The following CCDC85A variants were observed in gnomAD, a reference collection of about 807,000 sequenced individuals.
CCDC85A encodes coiled-coil domain containing 85A.
CCDC85A carries 38 observed loss-of-function variants against 50.2 expected under a neutral mutation model. That is an observed-to-expected ratio of 0.76 (90% CI 0.58 to 0.99). The LOEUF is 0.99. Ranked by LOEUF, CCDC85A falls within the 50% of genes least tolerant of loss-of-function variation. The pLI is 0.00. For missense variants in CCDC85A, 820 were observed against 742.0 expected (o/e 1.11, Z -1.22); for synonymous variants, 366 against 301.4 (o/e 1.21, Z -2.22).
At chr2:56,228,335 T>TAAC (rs1323062368) in intron 2 of CCDC85A, among the ~76,000 whole-genome samples, 2 of 150,796 alleles carry the variant, frequency 1.3e-5, no homozygotes, top group Admixed American at 1.3e-4. Context: ...ATAATAATAA[T>TAAC]AATAATAATA....
At position 56,193,147 on chromosome 2, in the gene CCDC85A, A is replaced by G; in HGVS notation, c.947A>G (p.His316Arg). Residue 316 changes from histidine to arginine, a missense_variant, in exon 2 of 6, where the codon CAC becomes CGC. By Grantham distance (29) the His-to-Arg change is conservative. Transcript: ENST00000407595. Reference protein sequence around the residue: ...PKHVLSGSPEHFQKHRSGSSP... With the variant: ...PKHVLSGSPERFQKHRSGSSP... Reference sequence around the variant, plus strand: ...CACGTGCTGAGTGGGAGCCCGGAACACTTCCAGAAGCACCGGTCAGGGAGC... The same window carrying G: ...CACGTGCTGAGTGGGAGCCCGGAACGCTTCCAGAAGCACCGGTCAGGGAGC... 1 of 1,612,488 alleles carries G rather than the reference A, an allele frequency of 6.2e-7. No individual in the cohort carries two copies. Among genetic ancestry groups the G allele is most frequent in the African/African-American group, 1.3e-5 (1 of 74,938 alleles).
chr2:56,217,751 T>C (rs1482620624), intron 2 of CCDC85A, among the ~76,000 whole-genome samples: 1 of 151,818 alleles, frequency 6.6e-6, no homozygotes, highest in Non-Finnish European at 1.5e-5. Context: ...CTTGATGTAG[T>C]GTGTCTTAAT....
chr2:56,334,257 G>A (rs895771985), intron 2 of CCDC85A, among the ~76,000 whole-genome samples: 6 of 152,178 alleles, frequency 3.9e-5, no homozygotes, highest in Non-Finnish European at 8.8e-5. Context: ...ATTCCTGGCT[G>A]CTACTGTATC....
chr2:56,365,630 A>C (rs550291373), intron 3 of CCDC85A, among the ~76,000 whole-genome samples: 1 of 152,312 alleles, frequency 6.6e-6, no homozygotes, highest in Admixed American at 6.5e-5. Flanking sequence ...CTTTAAAAAA[A>C]CTTTTTTTAC....
At chr2:56,361,036 A>G (rs1362643363) in intron 3 of CCDC85A, among the ~76,000 whole-genome samples, 1 of 152,078 alleles carries the variant, frequency 6.6e-6, no homozygotes, top group African/African-American at 2.4e-5. Flanking sequence ...GGCAGATCAC[A>G]AGGTCAGGAG....
chr2:56,268,336 A>G (rs1573136857), intron 2 of CCDC85A, among the ~76,000 whole-genome samples: 1 of 152,086 alleles, frequency 6.6e-6, no homozygotes, highest in South Asian at 2.1e-4. Flanking sequence ...AGTGGCTCAC[A>G]CCTGTAATCC....
At chr2:56,240,747 T>C (rs1669221488) in intron 2 of CCDC85A, among the ~76,000 whole-genome samples, 1 of 152,230 alleles carries the variant, frequency 6.6e-6, no homozygotes, top group Non-Finnish European at 1.5e-5. Context: ...GGCTAAATAA[T>C]AGGCCAATGC....
intron 2 of CCDC85A, among the ~76,000 whole-genome samples, chr2:56,234,423 C>T (rs891674967): frequency 6.6e-6 from 1 of 152,164 alleles, no homozygotes; most frequent in South Asian, 2.1e-4. Flanking sequence ...ACTGGCTCCT[C>T]TCGAGCTTGC....
chr2:56,229,472 T>G (rs1668686761), intron 2 of CCDC85A, among the ~76,000 whole-genome samples: 1 of 152,146 alleles, frequency 6.6e-6, no homozygotes, highest in Admixed American at 6.5e-5. Flanking sequence ...TGCCCACCAT[T>G]TTAGACCTTA....
At chr2:56,296,989 G>A (rs1305672550) in intron 2 of CCDC85A, among the ~76,000 whole-genome samples, 1 of 152,090 alleles carries the variant, frequency 6.6e-6, no homozygotes, top group African/African-American at 2.4e-5. Flanking sequence ...AGGCTCAGTA[G>A]TGTTTGCATT....
At chr2:56,297,309 G>A (rs1295445596) in intron 2 of CCDC85A, among the ~76,000 whole-genome samples, 4 of 152,002 alleles carry the variant, frequency 2.6e-5, no homozygotes, top group Non-Finnish European at 5.9e-5. Context: ...AAAATATCAG[G>A]GAGGCAGTAC....
At chr2:56,217,012 G>A (rs1235699306) in intron 2 of CCDC85A, among the ~76,000 whole-genome samples, 6 of 151,834 alleles carry the variant, frequency 4.0e-5, no homozygotes, top group African/African-American at 1.4e-4. Flanking sequence ...AACAGTTGAT[G>A]TCATGCACAG....
intron 2 of CCDC85A, among the ~76,000 whole-genome samples, chr2:56,331,653 A>T (rs1413339241): frequency 6.6e-6 from 1 of 152,206 alleles, no homozygotes; most frequent in East Asian, 1.9e-4. Flanking sequence ...ATTGATTTAT[A>T]TGCAAACCAT....
intron 2 of CCDC85A, among the ~76,000 whole-genome samples, chr2:56,240,504 T>C (rs1669211339): frequency 6.6e-6 from 1 of 152,208 alleles, no homozygotes; most frequent in African/African-American, 2.4e-5. Flanking sequence ...TCATCATTCT[T>C]TGTGTGTTTT....
intron 2 of CCDC85A, among the ~76,000 whole-genome samples, chr2:56,241,110 T>C (rs1669237862): frequency 6.6e-6 from 1 of 152,242 alleles, no homozygotes; most frequent in Non-Finnish European, 1.5e-5. Context: ...AAGAAACATT[T>C]TATTATGTCT....
rs758574817 is a variant in CCDC85A, at chr2:56,184,671, A to C, written c.47A>C (p.Glu16Ala). Reference protein sequence around the residue: ...GGAAAAAAAAESCSPAPAGSS... With the variant: ...GGAAAAAAAAASCSPAPAGSS... ...GCGGCGGCGGCTGCGGCGGCGGCGG[A>C]AAGTTGTTCCCCAGCCCCGGCCGGC... is the stretch of plus-strand genomic sequence containing the variant. Residue 16 changes from glutamate to alanine, a missense_variant, in exon 1 of 6, where the codon GAA (glutamate) becomes GCA (alanine). Transcript: ENST00000407595. 1.1e-5 allele frequency: 16 copies of C among 1,467,128 alleles called. No homozygotes were observed. Among genetic ancestry groups the C allele is most frequent in the South Asian group, 5.4e-5 (4 of 73,648 alleles). 90.9% of individuals were successfully genotyped at this position (1,467,128 alleles called of 1,614,324 possible). A position where few individuals can be genotyped will look rare whatever the true frequency, so the allele number is the denominator to read the frequency against.
chr2:56,211,254 A>G (rs954493167), intron 2 of CCDC85A, among the ~76,000 whole-genome samples: 13 of 152,080 alleles, frequency 8.5e-5, no homozygotes, highest in Admixed American at 2.0e-4. Flanking sequence ...AGGAAACTGA[A>G]TATGATTTTT....
At chr2:56,281,069 C>T (rs1311226684) in intron 2 of CCDC85A, among the ~76,000 whole-genome samples, 1 of 152,108 alleles carries the variant, frequency 6.6e-6, no homozygotes, top group Non-Finnish European at 1.5e-5. Flanking sequence ...CCATCACCCC[C>T]AAAAGTTACC....
intron 2 of CCDC85A, among the ~76,000 whole-genome samples, chr2:56,236,230 T>C (rs1357669979): frequency 6.6e-6 from 1 of 152,174 alleles, no homozygotes; most frequent in Non-Finnish European, 1.5e-5. Context: ...TAGTGAGCAC[T>C]CTAGTGTCAT....
Sources: allele counts gnomAD v4.1 joint callset (sites outside exome capture counted in the v4.1 genomes callset), GRCh38; gene constraint gnomAD v4.1.1; transcripts MANE v1.5; gene names NCBI Gene and HGNC (gene_info 2026-07-23, HGNC 2026-07-21).